Variants in STAG1 observed in about 807,000 individuals in gnomAD.
The protein encoded by STAG1 is STAG1 cohesin complex component, also known as cohesin subunit SA-1.
A neutral mutation model predicts 170.9 loss-of-function variants in STAG1; 26 were observed. That is an observed-to-expected ratio of 0.15 (90% CI 0.11 to 0.21). The LOEUF is 0.21. Ranked by LOEUF, STAG1 falls within the 10% of genes least tolerant of loss-of-function variation. The probability of loss-of-function intolerance (pLI) is 1.00; values close to 1 mark genes in which losing one functional copy is unlikely to be tolerated. For missense variants in STAG1, 964 were observed against 1,509.5 expected, an observed-to-expected ratio of 0.64 and a Z score of 5.99; for synonymous variants, 514 against 497.7, an observed-to-expected ratio of 1.03 and a Z score of -0.44.
At chr3:136,403,515 T>G (rs555196681) in intron 21 of STAG1, among the ~76,000 whole-genome samples, 1 of 152,096 alleles carries the variant, frequency 6.6e-6, no homozygotes, top group Non-Finnish European at 1.5e-5. Context: ...AAATTCTAAA[T>G]TATAATATTA....
intron 6 of STAG1, among the ~76,000 whole-genome samples, chr3:136,536,231 T>A (rs1475187551): frequency 6.6e-6 from 1 of 152,134 alleles, no homozygotes; most frequent in African/African-American, 2.4e-5. Context: ...TATCCCAGAT[T>A]AAGAGAATAT....
At chr3:136,631,072 A>T in intron 1 of STAG1, 91 bp from the exon 2 acceptor site, 1 of 600,774 alleles carries the variant, frequency 1.7e-6, no homozygotes. Context: ...ACCAGTGATC[A>T]CACTACTTGG....
chr3:136,734,720 GT>G (rs2107943837), intron 1 of STAG1, among the ~76,000 whole-genome samples: 1 of 152,136 alleles, frequency 6.6e-6, no homozygotes, highest in African/African-American at 2.4e-5. Context: ...TTTTTGTTTT[GT>G]TTTTAATCTC....
At chr3:136,627,796 T>A (rs1291837862) in intron 2 of STAG1, among the ~76,000 whole-genome samples, 1 of 152,190 alleles carries the variant, frequency 6.6e-6, no homozygotes, top group Non-Finnish European at 1.5e-5. Flanking sequence ...TCAAATCTTG[T>A]TTAAAAAATG....
intron 7 of STAG1, among the ~76,000 whole-genome samples, chr3:136,509,203 C>T (rs1327290014): frequency 6.6e-6 from 1 of 152,170 alleles, no homozygotes; most frequent in African/African-American, 2.4e-5. Context: ...GGTAGGTAGG[C>T]TTAATCCCTG....
At position 136,521,409 on chromosome 3, in the gene STAG1, A is replaced by T; in HGVS notation, c.480T>A (p.Gly160=). ...GTCCAGGCATGGTAAGAGGATAATC[A>T]CCACTGTCCTAAAAAACAGAAAAAG... ...KMTEEFDEDS[G]DYPLTMPGPQ... is the part of the protein sequence containing the mutation. The change falls in exon 7 of 34, where the codon GGT becomes GGA. Residue 160 remains glycine, a synonymous_variant. Transcript: ENST00000383202. 6.2e-7 allele frequency: 1 copy of T among 1,613,262 alleles called. No homozygotes were observed. Among genetic ancestry groups the T allele is most frequent in the Non-Finnish European group, 8.5e-7 (1 of 1,179,436 alleles).
chr3:136,657,010 CAA>C (rs202078976), intron 1 of STAG1, among the ~76,000 whole-genome samples: 16 of 140,258 alleles, frequency 1.1e-4, no homozygotes, highest in African/African-American at 3.9e-4. Flanking sequence ...TTATAATAGC[CAA>C]AAAAAAAAGA....
intron 7 of STAG1, among the ~76,000 whole-genome samples, chr3:136,505,813 C>A (rs1226154253): frequency 3.3e-5 from 5 of 152,188 alleles, no homozygotes; most frequent in Non-Finnish European, 7.4e-5. Flanking sequence ...GAAGGCCTCT[C>A]TGAGACCTTG....
intron 15 of STAG1, 92 bp downstream of exon 15, chr3:136,443,195 T>G: frequency 1.3e-6 from 1 of 775,088 alleles, no homozygotes; most frequent in Non-Finnish European, 2.1e-6. Context: ...CATGCTTATA[T>G]ATGCTCATTT....
At chr3:136,620,384 T>C (rs932342488) in intron 3 of STAG1, among the ~76,000 whole-genome samples, 2 of 152,218 alleles carry the variant, frequency 1.3e-5, no homozygotes, top group African/African-American at 4.8e-5. Context: ...ATCTGATCAT[T>C]CTGACAATTA....
At chr3:136,508,251 T>C (rs1045320734) in intron 7 of STAG1, among the ~76,000 whole-genome samples, 1 of 152,198 alleles carries the variant, frequency 6.6e-6, no homozygotes, top group African/African-American at 2.4e-5. Flanking sequence ...ATTTTGTAGA[T>C]ATTTTGTATG....
At chr3:136,721,852 A>G (rs1488993112) in intron 1 of STAG1, among the ~76,000 whole-genome samples, 1 of 151,608 alleles carries the variant, frequency 6.6e-6, no homozygotes, top group Non-Finnish European at 1.5e-5. Context: ...TGAACCCGGG[A>G]GGCAGAGCTT....
rs1462885967 is a variant in STAG1 at position 136,369,259 on chromosome 3, A to C, written c.2394T>G (p.Leu798=). The part of the protein sequence containing the change: ...KEQAFMLLCD[L]LMIFSHQLMT... ...TTAATTGGTGGCTGAAAATCATCAG[A>C]AGATCACAGAGTAACATGAAAGCCT... is the stretch of plus-strand genomic sequence containing the variant. The change falls in exon 24 of 34, where the codon CTT becomes CTG. Residue 798 remains leucine (L), a synonymous_variant. Transcript: ENST00000383202. The C allele has an allele frequency of 6.3e-7, 1 of 1,597,978 alleles. No homozygotes were observed. Among genetic ancestry groups the C allele is most frequent in the East Asian group, 2.3e-5 (1 of 44,136 alleles).
chr3:136,506,995 T>C (rs2107875735), intron 7 of STAG1, among the ~76,000 whole-genome samples: 1 of 152,358 alleles, frequency 6.6e-6, no homozygotes, highest in Non-Finnish European at 1.5e-5. Flanking sequence ...TATTTATTTT[T>C]ACTTGCCAGT....
intron 12 of STAG1, among the ~76,000 whole-genome samples, chr3:136,466,857 T>C (rs1226401261): frequency 1.3e-5 from 2 of 152,216 alleles, no homozygotes; most frequent in African/African-American, 4.8e-5. Context: ...TCCAACATTC[T>C]TCAAGAAAAG....
chr3:136,457,239 C>T (rs940133473), intron 13 of STAG1, among the ~76,000 whole-genome samples: 1 of 152,236 alleles, frequency 6.6e-6, no homozygotes, highest in African/African-American at 2.4e-5. Flanking sequence ...GGATGGAATC[C>T]AAGGCTCAGA....
At chr3:136,623,301 C>T (rs905876891) in intron 2 of STAG1, 53 bp from the exon 3 acceptor site, 20 of 1,524,358 alleles carry the variant, frequency 1.3e-5, no homozygotes, top group Non-Finnish European at 1.7e-5. Context: ...TAATGCATTT[C>T]TGTTTCACTA....
At chr3:136,435,030 T>G (rs1462967283) in intron 15 of STAG1, among the ~76,000 whole-genome samples, 1 of 152,228 alleles carries the variant, frequency 6.6e-6, no homozygotes, top group Non-Finnish European at 1.5e-5. Context: ...GTTTCACTAA[T>G]CTATTTGTAT....
chr3:136,719,045 T>C (rs1933038031), intron 1 of STAG1, among the ~76,000 whole-genome samples: 1 of 152,186 alleles, frequency 6.6e-6, no homozygotes, highest in Non-Finnish European at 1.5e-5. Flanking sequence ...ATTCCAATCC[T>C]AGGTATCTGC....
Sources: allele counts gnomAD v4.1 joint callset (sites outside exome capture counted in the v4.1 genomes callset), GRCh38; gene constraint gnomAD v4.1.1; transcripts MANE v1.5; gene names NCBI Gene and HGNC (gene_info 2026-07-23, HGNC 2026-07-21).